The following BAIAP2 variants were observed in gnomAD, a reference collection of about 807,000 sequenced individuals.
The protein encoded by BAIAP2 is BAR/IMD domain-containing adapter protein 2.
Under a neutral mutation model 63.0 loss-of-function variants are expected in BAIAP2, and 18 were observed. That is an observed-to-expected ratio of 0.29 (90% CI 0.20 to 0.42). The LOEUF (loss-of-function observed/expected upper bound fraction) is 0.42. BAIAP2 is among the 10% of genes least tolerant of loss of function. The probability of loss-of-function intolerance (pLI) is 1.00; values close to 1 mark genes in which losing one functional copy is unlikely to be tolerated. For missense variants in BAIAP2, 610 were observed against 734.3 expected (o/e 0.83, Z 1.96); for synonymous variants, 386 against 307.6 (o/e 1.25, Z -2.67).
chr17:81,052,546 C>T (rs1345494142), intron 1 of BAIAP2, among the ~76,000 whole-genome samples: 5 of 152,246 alleles, frequency 3.3e-5, no homozygotes, highest in Non-Finnish European at 5.9e-5. Flanking sequence ...GTGCAGAACT[C>T]GGGGCCTCGT....
intron 13 of BAIAP2, chr17:81,110,226 T>A: frequency 2.0e-6 from 2 of 985,612 alleles, no homozygotes; most frequent in Non-Finnish European, 2.4e-6. Context: ...GTAGTGTTTG[T>A]GTGGGAAGCA....
intron 13 of BAIAP2, chr17:81,111,035 C>G (rs1598849516): frequency 7.0e-6 from 11 of 1,574,486 alleles, no homozygotes; most frequent in Non-Finnish European, 9.6e-6. Context: ...CTCAGTCACG[C>G]AGCCTGGGTG....
intron 1 of BAIAP2, among the ~76,000 whole-genome samples, chr17:81,037,478 G>A (rs933824491): frequency 6.6e-6 from 1 of 152,242 alleles, no homozygotes; most frequent in African/African-American, 2.4e-5. Context: ...TGGTAGTGCC[G>A]GTACTGGTTG....
chr17:81,115,504 A>G (rs2060446812), intron 13 of BAIAP2, among the ~76,000 whole-genome samples: 1 of 151,808 alleles, frequency 6.6e-6, no homozygotes, highest in South Asian at 2.1e-4. Flanking sequence ...TGCCCAGCCC[A>G]CACTGCTGGG....
At chr17:81,100,134 G>A in intron 7 of BAIAP2, 54 bp downstream of exon 7, 1 of 1,557,606 alleles carries the variant, frequency 6.4e-7, no homozygotes, top group Non-Finnish European at 8.7e-7. Context: ...TGGCAGAAAT[G>A]ACCCAGGCCC....
chr17:81,116,652 A>C lies in BAIAP2; in HGVS notation c.*813A>C. ...ACTCCTGGGTGGACCTCCCCCCCCC[A>C]CCTCCGCTGACTCCTGCAGGCACTG... On this transcript the variant is annotated 3_prime_UTR_variant, in exon 14 of 14. Coordinates refer to ENST00000428708, the MANE Select transcript of BAIAP2 (RefSeq NM_001144888.2). 2.9e-6 allele frequency: 1 copy of C among 348,340 alleles called. No individual in the cohort carries two copies. The allele number at this position is 348,340 out of a possible 1,614,324, so 21.6% of individuals were successfully genotyped here.
At chr17:81,084,738 G>A (rs1331034982) in intron 3 of BAIAP2, 94 bp from the exon 4 acceptor site, 2 of 1,295,452 alleles carry the variant, frequency 1.5e-6, no homozygotes, top group Non-Finnish European at 2.2e-6. Flanking sequence ...TGGTCACAGG[G>A]CTTCCCTGGG....
chr17:81,067,901 A>G (rs543975953), intron 3 of BAIAP2, among the ~76,000 whole-genome samples: 2 of 152,288 alleles, frequency 1.3e-5, no homozygotes, highest in African/African-American at 4.8e-5. Context: ...AGTGCTCCCT[A>G]GGGAGGGAAA....
intron 3 of BAIAP2, among the ~76,000 whole-genome samples, chr17:81,077,800 G>C (rs1206107426): frequency 1.3e-5 from 2 of 152,102 alleles, no homozygotes; most frequent in Non-Finnish European, 2.9e-5. Context: ...CGCTGTGGGT[G>C]CAGGTTCCAC....
chr17:81,088,318 C>T (rs906874972), intron 6 of BAIAP2, among the ~76,000 whole-genome samples: 1 of 152,186 alleles, frequency 6.6e-6, no homozygotes, highest in East Asian at 1.9e-4. Flanking sequence ...GCTCAGCTGC[C>T]TGCTGGGGGT....
chr17:81,096,720 C>T (rs1598759764), intron 6 of BAIAP2, among the ~76,000 whole-genome samples: 1 of 152,396 alleles, frequency 6.6e-6, no homozygotes, highest in African/African-American at 2.4e-5. Flanking sequence ...AGGTGTCCTC[C>T]TCCATGGCTG....
chr17:81,095,118 T>C (rs543283505), intron 6 of BAIAP2, among the ~76,000 whole-genome samples: 27 of 152,330 alleles, frequency 1.8e-4, no homozygotes, highest in African/African-American at 6.3e-4. Flanking sequence ...TGCTTTCAGC[T>C]GGGTGTTTCC....
At chr17:81,080,021 C>G (rs568032073) in intron 3 of BAIAP2, among the ~76,000 whole-genome samples, 1 of 152,316 alleles carries the variant, frequency 6.6e-6, no homozygotes, top group South Asian at 2.1e-4. Flanking sequence ...CTGTGGAGCC[C>G]TCGCTACTCC....
rs571548300 is a variant in BAIAP2, at chr17:81,086,250, C to T, written c.352-193C>T. On this transcript the variant is annotated intron_variant, in intron 5 of 13. Transcript: ENST00000428708. ...GGGGTTGGGTGGGGTCGGGCTGAGGCTTCATTTGGGCTCTCCCCAACTCTG... is the reference window on the plus strand; with the variant it reads ...GGGGTTGGGTGGGGTCGGGCTGAGGTTTCATTTGGGCTCTCCCCAACTCTG... Among the ~76,000 whole-genome samples the T allele has an allele frequency of 3.3e-5, 5 of 152,082 alleles. No homozygotes were observed. In the South Asian group the frequency reaches 1.0e-3, roughly 32 times the overall value.
At chr17:81,111,628 G>C (rs1356236998) in intron 13 of BAIAP2, among the ~76,000 whole-genome samples, 3 of 152,248 alleles carry the variant, frequency 2.0e-5, no homozygotes, top group African/African-American at 7.2e-5. Flanking sequence ...GGGCCATTAT[G>C]GGTCCAATTC....
At chr17:81,053,371 C>A in intron 1 of BAIAP2, 1 of 376,872 alleles carries the variant, frequency 2.7e-6, no homozygotes, top group Non-Finnish European at 4.8e-6. Context: ...CAGTTGTATT[C>A]TGCCTGCTGC....
intron 10 of BAIAP2, 149 bp downstream of exon 10, chr17:81,104,864 A>G: frequency 1.2e-6 from 1 of 861,002 alleles, no homozygotes; most frequent in Non-Finnish European, 1.8e-6. Context: ...AGTGAGAGCA[A>G]GCGTGACCTG....
intron 1 of BAIAP2, among the ~76,000 whole-genome samples, chr17:81,051,592 T>C (rs1472673461): frequency 6.6e-6 from 1 of 152,204 alleles, no homozygotes; most frequent in Non-Finnish European, 1.5e-5. Context: ...AAATGGGGTT[T>C]CACCACGTTG....
intron 1 of BAIAP2, among the ~76,000 whole-genome samples, chr17:81,037,340 C>T (rs764708128): frequency 2.0e-5 from 3 of 152,222 alleles, no homozygotes; most frequent in Non-Finnish European, 2.9e-5. Context: ...GACAGGCTTG[C>T]GCTGCTGCTG....
Sources: allele counts gnomAD v4.1 joint callset (sites outside exome capture counted in the v4.1 genomes callset), GRCh38; gene constraint gnomAD v4.1.1; transcripts MANE v1.5; gene names NCBI Gene and HGNC (gene_info 2026-07-23, HGNC 2026-07-21).